The following DCAF4 variants were observed in gnomAD, a reference collection of about 807,000 sequenced individuals.
DCAF4 encodes the protein DDB1 and CUL4 associated factor 4.
A neutral mutation model predicts 60.9 loss-of-function variants in DCAF4; 37 were observed. The observed-to-expected ratio is 0.61, with a 90% CI of 0.47 to 0.80. The LOEUF (loss-of-function observed/expected upper bound fraction) is 0.80. Ranked by LOEUF, DCAF4 falls within the 30% of genes least tolerant of loss-of-function variation. DCAF4 has a pLI of 0.00. For missense variants in DCAF4, 577 were observed against 650.0 expected, an observed-to-expected ratio of 0.89 and a Z score of 1.22; for synonymous variants, 243 against 254.8, an observed-to-expected ratio of 0.95 and a Z score of 0.44.
chr14:72,948,414 G>T (rs909660236), intron 8 of DCAF4, among the ~76,000 whole-genome samples: 1 of 152,160 alleles, frequency 6.6e-6, no homozygotes, highest in African/African-American at 2.4e-5. Context: ...TTTATATAAG[G>T]CATCAAACTA....
intron 8 of DCAF4, 108 bp downstream of exon 8, chr14:72,947,299 C>A: frequency 1.6e-6 from 2 of 1,254,334 alleles, no homozygotes; most frequent in Non-Finnish European, 2.3e-6. Flanking sequence ...GAGGACTAGA[C>A]CCTTGTGCAC....
At position 72,959,063 on chromosome 14, in the gene DCAF4, C is replaced by T. The variant is rs1254670154; in HGVS notation, c.*258C>T. On this transcript the variant is annotated 3_prime_UTR_variant, in exon 14 of 14. Coordinates refer to ENST00000358377, the MANE Select transcript of DCAF4 (RefSeq NM_015604.4). ...TCCTTTTCTTATTGAATTCTTAGAA[C>T]TTAGTTAACCCTCCCTGCCTTTTCT... is the stretch of plus-strand genomic sequence containing the variant. 7 of 1,176,966 alleles carry T rather than the reference C, an allele frequency of 5.9e-6. No homozygotes were observed. The highest frequency in any genetic ancestry group is 7.4e-6 in the Non-Finnish European group (7 of 952,286). The allele number at this position is 1,176,966 out of a possible 1,614,324, so 72.9% of individuals were successfully genotyped here. A position where few individuals can be genotyped will look rare whatever the true frequency, so the allele number is the denominator to read the frequency against.
chr14:72,936,336 G>C (rs1889261972), intron 1 of DCAF4, among the ~76,000 whole-genome samples: 1 of 152,184 alleles, frequency 6.6e-6, no homozygotes, highest in African/African-American at 2.4e-5. Flanking sequence ...GGACGAGGCA[G>C]GTAGATCACT....
rs573519299 is a variant in DCAF4, at chr14:72,940,412, C to T, written c.351+35C>T. The T allele has an allele frequency of 2.5e-5, 40 of 1,577,774 alleles. No homozygotes were observed. In the Middle Eastern group the frequency reaches 5.3e-4, roughly 21 times the overall value. On this transcript the variant is annotated intron_variant, in intron 4 of 13. Coordinates refer to ENST00000358377, the MANE Select transcript of DCAF4 (RefSeq NM_015604.4). ...TCACCCCTTCGCCCCCTGTCCTCTCCGCTCCTGCCAGCACCTGTCCATCCA... is the reference window on the plus strand; with the variant it reads ...TCACCCCTTCGCCCCCTGTCCTCTCTGCTCCTGCCAGCACCTGTCCATCCA...
chr14:72,956,533 A>G (rs769746157), intron 13 of DCAF4, 33 bp downstream of exon 13: 14 of 1,577,360 alleles, frequency 8.9e-6, no homozygotes, highest in African/African-American at 1.3e-5. Context: ...GTTCCACCCC[A>G]TCAAATACTG....
intron 1 of DCAF4, chr14:72,930,015 C>T (rs1055633061): frequency 1.7e-6 from 1 of 591,870 alleles, no homozygotes; most frequent in South Asian, 2.1e-5. Context: ...GCCTGTAATT[C>T]CGGCTACTCC....
intron 13 of DCAF4, 66 bp downstream of exon 13, chr14:72,956,566 A>G: frequency 6.7e-7 from 1 of 1,482,782 alleles, no homozygotes; most frequent in South Asian, 1.2e-5. Context: ...GATCCCAGCA[A>G]CTTCAGCAGC....
chr14:72,938,796 G>T (rs1284062522), intron 2 of DCAF4, among the ~76,000 whole-genome samples: 1 of 152,148 alleles, frequency 6.6e-6, no homozygotes, highest in Non-Finnish European at 1.5e-5. Context: ...AACAGAGCTT[G>T]CGGGACTGGA....
In DCAF4 at chr14:72,938,080, C is replaced by G. The variant is rs1476131796; in HGVS notation, c.92+10C>G. 1.3e-6 allele frequency: 2 copies of G among 1,595,050 alleles called. No individual in the cohort carries two copies. Among genetic ancestry groups the G allele is most frequent in the Non-Finnish European group, 1.7e-6 (2 of 1,174,132 alleles). ...GTGATTCTGAAGACAGGCAAGTGTG[C>G]CGCTCTGGGGAGCCACTTTTGCCCA... On this transcript the variant is annotated intron_variant, in intron 2 of 13. Transcript: ENST00000358377.
At chr14:72,933,865 G>T (rs1445788258) in intron 1 of DCAF4, among the ~76,000 whole-genome samples, 1 of 152,118 alleles carries the variant, frequency 6.6e-6, no homozygotes, top group Non-Finnish European at 1.5e-5. Context: ...GAAATTTGCT[G>T]CCTAAATCTA....
chr14:72,935,587 A>G (rs1226377953), intron 1 of DCAF4, among the ~76,000 whole-genome samples: 1 of 152,174 alleles, frequency 6.6e-6, no homozygotes, highest in Admixed American at 6.5e-5. Context: ...CTTGCTAACT[A>G]TATTACTTGA....
intron 1 of DCAF4, among the ~76,000 whole-genome samples, chr14:72,931,263 CTTTTTTTTTT>C (rs370127536): frequency 7.9e-6 from 1 of 126,800 alleles, no homozygotes. Context: ...TACTTTTTCT[CTTTTTTTTTT>C]TTTTTTTTGT....
chr14:72,940,589 T>C (rs1889900131), intron 4 of DCAF4: 4 of 273,324 alleles, frequency 1.5e-5, no homozygotes, highest in Non-Finnish European at 2.5e-5. Context: ...GTTCGATAAG[T>C]TGTTTTTTTT....
intron 9 of DCAF4, among the ~76,000 whole-genome samples, chr14:72,952,293 A>C (rs1428849622): frequency 1.3e-5 from 2 of 152,188 alleles, no homozygotes; most frequent in African/African-American, 2.4e-5. Flanking sequence ...GAAAATTAGG[A>C]TCAATAAGAC....
intron 6 of DCAF4, among the ~76,000 whole-genome samples, chr14:72,945,464 T>G (rs1203602169): frequency 7.2e-6 from 1 of 139,042 alleles, no homozygotes; most frequent in Non-Finnish European, 1.6e-5. Flanking sequence ...CAATTTTTTT[T>G]TCATGGTGGT....
Position 72,959,476 on chromosome 14 carries a change from A to G in DCAF4, c.*671A>G. 1.0e-6 allele frequency: 1 copy of G among 985,596 alleles called. No individual in the cohort carries two copies. Among genetic ancestry groups the G allele is most frequent in the Non-Finnish European group, 1.2e-6 (1 of 829,926 alleles). 61.1% of individuals were successfully genotyped at this position (985,596 alleles called of 1,614,324 possible). On this transcript the variant is annotated 3_prime_UTR_variant, in exon 14 of 14. Coordinates refer to ENST00000358377, the MANE Select transcript of DCAF4 (RefSeq NM_015604.4). ...TTGTTCAAGCACCTTCCAGAATGTAAGGTTCAGCAGCTCTGGTTTCTATTA... is the reference window on the plus strand; with the variant it reads ...TTGTTCAAGCACCTTCCAGAATGTAGGGTTCAGCAGCTCTGGTTTCTATTA...
At chr14:72,958,481 G>A (rs1234134370) in intron 13 of DCAF4, 131 bp from the exon 14 acceptor site, 18 of 1,042,090 alleles carry the variant, frequency 1.7e-5, no homozygotes, top group East Asian at 1.5e-4. Context: ...AATACTGTCC[G>A]TTAATGAGTT....
chr14:72,938,014 T>C lies in DCAF4; in HGVS notation c.36T>C (p.His12=), dbSNP rs1567301930. The change falls in exon 2 of 14, where the codon CAT becomes CAC. Residue 12 remains histidine (H), a synonymous_variant. Coordinates refer to ENST00000358377, the MANE Select transcript of DCAF4 (RefSeq NM_015604.4). ...GTCGCTGGCAGAGTAGAAGACGACA[T>C]GGGAGAAGAAGCCACCAGCAGAACC... is the stretch of plus-strand genomic sequence containing the variant. The part of the protein sequence containing the change: ...NKSRWQSRRR[H]GRRSHQQNPW... 3 of 1,609,976 alleles carry C rather than the reference T, an allele frequency of 1.9e-6. No individual in the cohort carries two copies. In the East Asian group the frequency reaches 6.7e-5, roughly 36 times the overall value.
chr14:72,955,100 G>A (rs893939998), intron 11 of DCAF4, among the ~76,000 whole-genome samples: 4 of 146,608 alleles, frequency 2.7e-5, no homozygotes, highest in Non-Finnish European at 4.5e-5. Flanking sequence ...AACAGAGCAA[G>A]ACTCTGTCTC....
Sources: allele counts gnomAD v4.1 joint callset (sites outside exome capture counted in the v4.1 genomes callset), GRCh38; gene constraint gnomAD v4.1.1; transcripts MANE v1.5; gene names NCBI Gene and HGNC (gene_info 2026-07-23, HGNC 2026-07-21).